CGNL1: variants seen among roughly 807,000 people sequenced by gnomAD.
CGNL1 encodes the protein cingulin like 1.
Under a neutral mutation model 141.2 loss-of-function variants are expected in CGNL1, and 132 were observed. That is an observed-to-expected ratio of 0.93 (90% confidence interval 0.81 to 1.08). The LOEUF (loss-of-function observed/expected upper bound fraction) is 1.08. CGNL1 is among the 50% of genes least tolerant of loss of function. CGNL1 has a pLI of 0.00. For missense variants in CGNL1, 1,870 were observed against 1,588.6 expected, an observed-to-expected ratio of 1.18 and a Z score of -3.01; for synonymous variants, 690 against 622.1, an observed-to-expected ratio of 1.11 and a Z score of -1.63.
At position 57,422,517 on chromosome 15, in the gene CGNL1, C is replaced by T. The variant is rs527897658; in HGVS notation, c.-15-15468C>T. ...TTGCTCTGTGGTCATCAGTTAACCA[C>T]CCAAATGGAAGTGCATGTGTTAATG... On this transcript the variant is annotated intron_variant, in intron 1 of 18. Transcript: ENST00000281282. Among the ~76,000 whole-genome samples the T allele has an allele frequency of 2.9e-3, 446 of 152,228 alleles. 1 individual carries two copies. The highest frequency in any genetic ancestry group is 4.6e-3 in the Non-Finnish European group (312 of 68,026).
chr15:57,416,634 C>T (rs942042286), intron 1 of CGNL1, among the ~76,000 whole-genome samples: 1 of 152,210 alleles, frequency 6.6e-6, no homozygotes, highest in African/African-American at 2.4e-5. Context: ...CTTGGTATCA[C>T]AGTGTCCTAG....
chr15:57,459,842 G>A (rs1236785746), intron 7 of CGNL1, among the ~76,000 whole-genome samples: 7 of 152,122 alleles, frequency 4.6e-5, no homozygotes, highest in Admixed American at 3.3e-4. Context: ...GAAGGAAGGA[G>A]CATGATGAAT....
intron 8 of CGNL1, among the ~76,000 whole-genome samples, chr15:57,464,710 C>CTTTCT (rs1471608509): frequency 1.7e-4 from 24 of 141,806 alleles, no homozygotes; most frequent in Non-Finnish European, 3.3e-4. Context: ...CTTTCCTTTC[C>CTTTCT]TTTCCTTTCC....
intron 8 of CGNL1, among the ~76,000 whole-genome samples, chr15:57,515,978 G>T (rs544857121): frequency 7.9e-5 from 12 of 151,848 alleles, no homozygotes; most frequent in Non-Finnish European, 1.5e-4. Flanking sequence ...CTAACATGGT[G>T]AAACCCCGTC....
chr15:57,520,180 C>T (rs1285746887), intron 10 of CGNL1, among the ~76,000 whole-genome samples: 1 of 152,228 alleles, frequency 6.6e-6, no homozygotes, highest in Admixed American at 6.5e-5. Context: ...CAGTTTCACT[C>T]TCTTTACCTG....
rs71441465 is a variant in CGNL1 at position 57,439,627 on chromosome 15, G to GT, written c.1602+34dup. ...GTAACACTAGTGCGATTCCTGTTTGGTTTTTTTTCTCTTCCTTCTAAATAA... is the reference window on the plus strand; with the variant it reads ...GTAACACTAGTGCGATTCCTGTTTGGTTTTTTTTTCTCTTCCTTCTAAATAA... On this transcript the variant is annotated intron_variant, in intron 2 of 18. Coordinates refer to ENST00000281282, the MANE Select transcript of CGNL1 (RefSeq NM_032866.5). The GT allele has an allele frequency of 1.1e-4, 182 of 1,596,870 alleles. 2 individuals are homozygous for GT. The highest frequency in any genetic ancestry group is 5.9e-4 in the African/African-American group (44 of 74,366).
intron 4 of CGNL1, among the ~76,000 whole-genome samples, chr15:57,445,878 A>T (rs1000312580): frequency 3.9e-5 from 6 of 152,248 alleles, no homozygotes; most frequent in Non-Finnish European, 8.8e-5. Context: ...AGAAGAAGAA[A>T]AAAAGATCCA....
At chr15:57,452,105 G>A in intron 5 of CGNL1, 36 bp from the exon 6 acceptor site, 1 of 1,599,224 alleles carries the variant, frequency 6.3e-7, no homozygotes, top group East Asian at 2.2e-5. Flanking sequence ...TTAATGTACA[G>A]TGGAGGCTCT....
At chr15:57,533,410 T>C (rs1157865221) in intron 14 of CGNL1, among the ~76,000 whole-genome samples, 2 of 152,178 alleles carry the variant, frequency 1.3e-5, no homozygotes, top group Non-Finnish European at 2.9e-5. Context: ...ATAAAAGCTG[T>C]TTTGTGATGA....
intron 1 of CGNL1, among the ~76,000 whole-genome samples, chr15:57,395,673 G>T (rs2152239715): frequency 6.6e-6 from 1 of 152,316 alleles, no homozygotes; most frequent in South Asian, 2.1e-4. Flanking sequence ...GCTCTACCTT[G>T]TGCTGGGCAC....
intron 4 of CGNL1, 72 bp from the exon 5 acceptor site, chr15:57,451,428 T>G: frequency 9.3e-7 from 1 of 1,078,740 alleles, no homozygotes; most frequent in Non-Finnish European, 1.4e-6. Flanking sequence ...CTGATTATAT[T>G]TGGAGGGGGA....
intron 8 of CGNL1, among the ~76,000 whole-genome samples, chr15:57,477,149 T>G (rs2063666700): frequency 1.3e-5 from 2 of 151,546 alleles, no homozygotes; most frequent in South Asian, 4.2e-4. Context: ...AGGCTGGACG[T>G]GCTTCAAAGA....
At chr15:57,407,293 CTGTTT>C (rs1216491271) in intron 1 of CGNL1, 2 of 152,170 alleles carry the variant, frequency 1.3e-5, no homozygotes, top group African/African-American at 4.8e-5. Context: ...GACTCCTCAT[CTGTTT>C]TGTTTTATTT....
chr15:57,454,245 C>G (rs1182620673), intron 7 of CGNL1, among the ~76,000 whole-genome samples: 1 of 152,056 alleles, frequency 6.6e-6, no homozygotes, highest in African/African-American at 2.4e-5. Flanking sequence ...GAACCTACTT[C>G]TTTATAAGTG....
intron 8 of CGNL1, among the ~76,000 whole-genome samples, chr15:57,477,226 A>C (rs1408925153): frequency 2.6e-5 from 4 of 152,196 alleles, no homozygotes; most frequent in Non-Finnish European, 5.9e-5. Flanking sequence ...AGAAGGTGGC[A>C]TTAGAGATAG....
chr15:57,398,415 C>G (rs761974210), intron 1 of CGNL1: 10 of 152,040 alleles, frequency 6.6e-5, no homozygotes, highest in Non-Finnish European at 1.5e-5. Context: ...GGAGGAAAGA[C>G]TTGGTGTTAT....
intron 8 of CGNL1, among the ~76,000 whole-genome samples, chr15:57,465,949 C>T (rs552953761): frequency 1.1e-3 from 167 of 152,244 alleles, no homozygotes; most frequent in African/African-American, 3.8e-3. Context: ...TTTGTAAACC[C>T]ATCAGCCATA....
At position 57,462,091 on chromosome 15, in the gene CGNL1, C is replaced by T. The variant is rs78618046; in HGVS notation, c.2403+199C>T. On this transcript the variant is annotated intron_variant, in intron 8 of 18. Coordinates refer to ENST00000281282, the MANE Select transcript of CGNL1 (RefSeq NM_032866.5). ...ACCTTTTAAAGTCTATAAACTGAAACGTTGGTAGGGACATTGGTTAAATCC... is the reference window on the plus strand; with the variant it reads ...ACCTTTTAAAGTCTATAAACTGAAATGTTGGTAGGGACATTGGTTAAATCC... 1.5e-3 allele frequency among the ~76,000 whole-genome samples: 226 copies of T among 152,266 alleles called. 2 individuals are homozygous for T. Among genetic ancestry groups the T allele is most frequent in the South Asian group, 8.9e-3 (43 of 4,826 alleles).
chr15:57,482,444 C>A (rs972192912), intron 8 of CGNL1, among the ~76,000 whole-genome samples: 3 of 152,154 alleles, frequency 2.0e-5, no homozygotes, highest in African/African-American at 7.2e-5. Context: ...AGCTCACAGT[C>A]CATTTTGAGT....
Sources: gnomAD v4.1 joint callset for allele counts (sites outside exome capture counted in the v4.1 genomes callset) on GRCh38, gnomAD v4.1.1 for gene constraint, MANE v1.5 for transcripts, NCBI Gene and HGNC (gene_info 2026-07-23, HGNC 2026-07-21) for gene names.